Variants in SHROOM3 observed in about 807,000 individuals in gnomAD.
SHROOM3 encodes shroom family member 3.
A neutral mutation model predicts 138.6 loss-of-function variants in SHROOM3; 47 were observed. The observed-to-expected ratio is 0.34, with a 90% CI of 0.27 to 0.43. The LOEUF is 0.43. Among genes scored for constraint, SHROOM3 ranks in the 20% least tolerant of loss-of-function variants. The pLI is 1.00. For synonymous variants in SHROOM3, 1,062 were observed against 1,063.3 expected (o/e 1.00, Z 0.02); for missense variants, 2,491 against 2,596.5 (o/e 0.96, Z 0.88).
intron 2 of SHROOM3, among the ~76,000 whole-genome samples, chr4:76,633,472 C>A (rs1163128357): frequency 6.6e-6 from 1 of 151,316 alleles, no homozygotes; most frequent in Admixed American, 6.6e-5. Context: ...CTGACTAACA[C>A]GGTGAAAGCC....
At chr4:76,605,825 C>T in intron 2 of SHROOM3, among the ~76,000 whole-genome samples, 1 of 150,806 alleles carries the variant, frequency 6.6e-6, no homozygotes. Context: ...ATTCTAATAG[C>T]TACCATTCAA....
At chr4:76,438,545 T>A (rs963095870) in intron 1 of SHROOM3, among the ~76,000 whole-genome samples, 1 of 152,246 alleles carries the variant, frequency 6.6e-6, no homozygotes, top group African/African-American at 2.4e-5. Flanking sequence ...CTCTTGAACA[T>A]CTTCCCCCAT....
intron 1 of SHROOM3, among the ~76,000 whole-genome samples, chr4:76,543,030 G>A (rs1282708651): frequency 6.6e-6 from 1 of 152,214 alleles, no homozygotes; most frequent in East Asian, 1.9e-4. Context: ...GGAATGGTGG[G>A]GTGGGGTGAG....
At chr4:76,778,349 G>A (rs889629733) in intron 10 of SHROOM3, among the ~76,000 whole-genome samples, 9 of 151,772 alleles carry the variant, frequency 5.9e-5, no homozygotes, top group African/African-American at 2.2e-4. Context: ...AGCCTCCCAA[G>A]TAGCTGGTAT....
At chr4:76,530,880 A>G (rs1732815399) in intron 1 of SHROOM3, among the ~76,000 whole-genome samples, 1 of 152,164 alleles carries the variant, frequency 6.6e-6, no homozygotes, top group Admixed American at 6.5e-5. Flanking sequence ...GTTTGGAGGA[A>G]TATCCTCCTA....
intron 1 of SHROOM3, among the ~76,000 whole-genome samples, chr4:76,444,426 A>T (rs1730761077): frequency 6.8e-6 from 1 of 147,304 alleles, no homozygotes. Flanking sequence ...CTATGTGACC[A>T]TGGCAAGTAA....
chr4:76,467,980 G>A (rs1017855456), intron 1 of SHROOM3, among the ~76,000 whole-genome samples: 2 of 152,220 alleles, frequency 1.3e-5, no homozygotes, highest in Admixed American at 1.3e-4. Flanking sequence ...TGGGACATAA[G>A]GAAATATAGA....
Position 76,579,053 on chromosome 4 carries a change from G to A in SHROOM3, c.323+23290G>A, listed in dbSNP as rs60424673. 3.1e-3 allele frequency among the ~76,000 whole-genome samples: 478 copies of A among 152,314 alleles called. 2 individuals carry two copies. Among genetic ancestry groups the A allele is most frequent in the African/African-American group, 0.011 (459 of 41,582 alleles). On this transcript the variant is annotated intron_variant, in intron 2 of 10. Coordinates refer to ENST00000296043, the MANE Select transcript of SHROOM3 (RefSeq NM_020859.4). The stretch of plus-strand genomic sequence containing the variant: ...AAATTAGCTGGGTGTGGTGGTGCTT[G>A]CCTATGGTCCCAGCTACTCAGGAAG...
chr4:76,739,965 T>A lies in SHROOM3; in HGVS notation c.1792T>A (p.Ser598Thr), dbSNP rs768034632. 4 of 1,613,954 alleles carry A rather than the reference T, an allele frequency of 2.5e-6. No individual in the cohort carries two copies. In the African/African-American group the frequency reaches 5.3e-5, roughly 22 times the overall value. ...RKSTHSNKPS[S>T]HPHSLKCPQA... ...GAGCACCCACAGTAACAAACCATCT[T>A]CTCATCCCCACAGCCTCAAATGCCC... The change falls in exon 5 of 11, where the codon TCT becomes ACT. Residue 598 changes from serine (S) to threonine (T), a missense_variant. Physicochemically the swap from Ser to Thr is moderately conservative, Grantham distance 58 (BLOSUM62 1). Around this residue, in one of 4 missense-constraint regions of SHROOM3, gnomAD observed 1,733 missense variants for 1,661.6 expected, o/e 1.04. Transcript: ENST00000296043.
At chr4:76,519,839 T>G (rs1213867574) in intron 1 of SHROOM3, among the ~76,000 whole-genome samples, 1 of 152,178 alleles carries the variant, frequency 6.6e-6, no homozygotes, top group African/African-American at 2.4e-5. Context: ...TTTATGAGAA[T>G]TGGGTGGAAA....
intron 2 of SHROOM3, among the ~76,000 whole-genome samples, chr4:76,556,580 C>T (rs1041784146): frequency 4.6e-5 from 7 of 152,222 alleles, no homozygotes; most frequent in African/African-American, 1.7e-4. Context: ...ATTATCTTGA[C>T]CTGCTAAGCG....
chr4:76,678,096 A>G (rs1047349886), intron 2 of SHROOM3, among the ~76,000 whole-genome samples: 4 of 152,222 alleles, frequency 2.6e-5, no homozygotes, highest in African/African-American at 4.8e-5. Context: ...TTTTAAGTCA[A>G]CAATTAAAGT....
chr4:76,572,273 G>A (rs1303410619), intron 2 of SHROOM3, among the ~76,000 whole-genome samples: 1 of 152,210 alleles, frequency 6.6e-6, no homozygotes, highest in African/African-American at 2.4e-5. Context: ...TTTGCAGGTT[G>A]TCAACATCTT....
intron 1 of SHROOM3, among the ~76,000 whole-genome samples, chr4:76,535,698 G>A (rs758445446): frequency 2.0e-5 from 3 of 152,152 alleles, no homozygotes; most frequent in South Asian, 2.1e-4. Context: ...TATGGTTCAC[G>A]GTCACTTGAT....
rs1242600316 is a variant in SHROOM3, at chr4:76,739,760, C to T, written c.1587C>T (p.Ala529=). ...ATGGATCTGGCAGGCCTGGGTTTGC[C>T]TTCTGCCAGCCCTTAGAACATGACT... ...NQNGSGRPGF[A]FCQPLEHDLL... is the part of the protein sequence containing the mutation. Residue 529 remains alanine, a synonymous_variant, in exon 5 of 11, where the codon GCC becomes GCT. Transcript: ENST00000296043. 1 of 1,614,202 alleles carries T rather than the reference C, an allele frequency of 6.2e-7. No homozygotes were observed. Among genetic ancestry groups the T allele is most frequent in the East Asian group, 2.2e-5 (1 of 44,884 alleles).
chr4:76,620,284 T>A (rs1283191718), intron 2 of SHROOM3, among the ~76,000 whole-genome samples: 3 of 151,884 alleles, frequency 2.0e-5, no homozygotes, highest in Non-Finnish European at 4.4e-5. Flanking sequence ...GCTCTGCTGA[T>A]GAAGGTGTCC....
chr4:76,720,861 C>T (rs1225418753), intron 3 of SHROOM3, among the ~76,000 whole-genome samples: 5 of 151,776 alleles, frequency 3.3e-5, no homozygotes, highest in African/African-American at 4.8e-5. Context: ...CCGCCCACCT[C>T]GGCCTCCCAA....
rs573118331 is a variant in SHROOM3, at chr4:76,546,636, G to C, written c.169-8973G>C. ...AAATAATGCCCAAACGGCTTTGTTTGAGAGATTCTTGACGTCTTTTGTTAT... is the reference window on the plus strand; with the variant it reads ...AAATAATGCCCAAACGGCTTTGTTTCAGAGATTCTTGACGTCTTTTGTTAT... On this transcript the variant is annotated intron_variant, in intron 1 of 10. Transcript: ENST00000296043. Among the ~76,000 whole-genome samples the C allele has an allele frequency of 9.8e-5, 15 of 152,302 alleles. No individual in the cohort carries two copies. In the East Asian group the frequency reaches 2.5e-3, roughly 25 times the overall value.
At chr4:76,603,342 C>T (rs976963492) in intron 2 of SHROOM3, among the ~76,000 whole-genome samples, 3 of 151,926 alleles carry the variant, frequency 2.0e-5, no homozygotes, top group Admixed American at 6.6e-5. Context: ...CACTTGAACC[C>T]GGGAGGTGGA....
Sources: allele counts gnomAD v4.1 joint callset (sites outside exome capture counted in the v4.1 genomes callset), GRCh38; gene constraint gnomAD v4.1.1; regional missense constraint gnomAD v4.1.1; transcripts MANE v1.5; gene names NCBI Gene and HGNC (gene_info 2026-07-23, HGNC 2026-07-21).